The following INTS3 variants were observed in gnomAD, a reference collection of about 807,000 sequenced individuals.
INTS3 encodes the protein integrator complex subunit 3, also known as SOSS complex subunit A.
In INTS3, 34 loss-of-function variants were observed where a neutral mutation model predicts 146.3. The ratio of observed to expected loss-of-function variants is 0.23; its 90% CI spans 0.18 to 0.31. The LOEUF is 0.31. Ranked by LOEUF, INTS3 falls within the 10% of genes least tolerant of loss-of-function variation. The pLI is 1.00. For missense variants in INTS3, 757 were observed against 1,304.2 expected (o/e 0.58, Z 6.46); for synonymous variants, 475 against 494.9 (o/e 0.96, Z 0.53).
intron 15 of INTS3, 75 bp from the exon 16 acceptor site, chr1:153,763,157 GA>G (rs1672447361): frequency 3.2e-6 from 5 of 1,581,816 alleles, no homozygotes; most frequent in Non-Finnish European, 3.5e-6. Flanking sequence ...TGAGGAAGGG[GA>G]TAAGTCATTG....
In INTS3 at chr1:153,747,047, C is replaced by T; in HGVS notation, c.409C>T (p.Leu137=). 6.2e-7 allele frequency: 1 copy of T among 1,611,334 alleles called. No individual in the cohort carries two copies. The highest frequency in any genetic ancestry group is 8.5e-7 in the Non-Finnish European group (1 of 1,177,524). Residue 137 remains leucine (L), a synonymous_variant, in exon 4 of 30, where the codon CTG becomes TTG. Coordinates refer to ENST00000318967, the MANE Select transcript of INTS3 (RefSeq NM_023015.5). ...NQILMEKYLK[L]QDTCRTQLVW... The stretch of plus-strand genomic sequence containing the variant: ...GATACTTATGGAGAAGTACCTGAAG[C>T]TGCAGGATACCTGCCGTACTCAGGT...
At chr1:153,771,672 A>AG in intron 25 of INTS3, 124 bp from the exon 26 acceptor site, 1 of 872,286 alleles carries the variant, frequency 1.1e-6, no homozygotes, top group Non-Finnish European at 1.8e-6. Context: ...TAAGGAGAAG[A>AG]GGGAGAGGGA....
At chr1:153,748,863 TAGAG>T in intron 6 of INTS3, 108 bp downstream of exon 6, 1 of 885,138 alleles carries the variant, frequency 1.1e-6, no homozygotes, top group South Asian at 1.3e-5. Context: ...CACCTTAAGT[TAGAG>T]AGGGGGAGGC....
chr1:153,772,666 C>T lies in INTS3; in HGVS notation c.2849C>T (p.Ala950Val), dbSNP rs139029136. ...TTTAGCCAGACGCCAATTCTCCAGG[C>T]GCTGCAGCATGTCCAAGCGAGCTGT... ...NFFSQTPILQALQHVQASCDE... is the reference protein window; with the variant it reads ...NFFSQTPILQVLQHVQASCDE... Residue 950 changes from alanine (A) to valine (V), a missense_variant, in exon 28 of 30, where the codon GCG becomes GTG. By Grantham distance (64) the Ala-to-Val change is moderately conservative. Transcript: ENST00000318967. This position sits in a 1 kb window ranked among gnomAD's most constrained non-coding sequence, Gnocchi z 4.6. The T allele has an allele frequency of 1.6e-5, 26 of 1,614,070 alleles. No individual in the cohort carries two copies. The highest frequency in any genetic ancestry group is 3.3e-5 in the Admixed American group (2 of 60,010).
chr1:153,732,447 A>AT (rs201977770), intron 1 of INTS3, among the ~76,000 whole-genome samples: 1,945 of 139,022 alleles, frequency 0.014, 18 homozygotes, highest in Middle Eastern at 0.037. Context: ...GTCCTTGGGG[A>AT]TTTTTTTTTT....
intron 25 of INTS3, 147 bp downstream of exon 25, chr1:153,770,880 TAC>T: frequency 1.4e-6 from 1 of 695,406 alleles, no homozygotes; most frequent in East Asian, 2.7e-5. Flanking sequence ...CAACGTGACT[TAC>T]AAATGAGCAG....
intron 1 of INTS3, among the ~76,000 whole-genome samples, chr1:153,735,379 T>C (rs1009680508): frequency 3.3e-5 from 5 of 152,172 alleles, no homozygotes; most frequent in Non-Finnish European, 5.9e-5. Context: ...TTATCTCTGT[T>C]TTGAGGGGTT....
At position 153,751,157 on chromosome 1, in the gene INTS3, T is replaced by C; in HGVS notation, c.647T>C (p.Ile216Thr). 1 of 1,614,140 alleles carries C rather than the reference T, an allele frequency of 6.2e-7. No homozygotes were observed. Among genetic ancestry groups the C allele is most frequent in the Non-Finnish European group, 8.5e-7 (1 of 1,180,016 alleles). ...AMAVYTYLRL[I>T]VDHHGTAQLQ... ...GCTGTTTACACGTACCTCCGCCTCA[T>C]CGTGGACCACCATGGGACTGCCCAG... Residue 216 changes from isoleucine (I) to threonine (T), a missense_variant, in exon 7 of 30, where the codon ATC becomes ACC. Around this residue, in one of 8 missense-constraint regions of INTS3, gnomAD observed 134 missense variants for 243.1 expected, o/e 0.55. Transcript: ENST00000318967.
intron 1 of INTS3, among the ~76,000 whole-genome samples, chr1:153,729,089 C>T (rs552076729): frequency 6.6e-6 from 1 of 152,200 alleles, no homozygotes; most frequent in African/African-American, 2.4e-5. Context: ...CATACACACC[C>T]CAGCTATTTT....
At position 153,757,213 on chromosome 1, in the gene INTS3, G is replaced by C. The variant is rs893567595; in HGVS notation, c.958-359G>C. Among the ~76,000 whole-genome samples the C allele has an allele frequency of 6.6e-6, 1 of 152,198 alleles. No individual in the cohort carries two copies. The highest frequency in any genetic ancestry group is 6.5e-5 in the Admixed American group (1 of 15,278). ...GAAGAACATTTCTTGCTGTTCACCA[G>C]TGGCTCAAGAAAATGAGAAAAGGTT... is the stretch of plus-strand genomic sequence containing the variant. On this transcript the variant is annotated intron_variant, in intron 9 of 29. Transcript: ENST00000318967. This position sits in a 1 kb window ranked among gnomAD's most constrained non-coding sequence, Gnocchi z 4.0.
intron 8 of INTS3, among the ~76,000 whole-genome samples, chr1:153,753,077 T>G (rs151147531): frequency 1.1e-3 from 164 of 150,906 alleles, no homozygotes; most frequent in African/African-American, 3.7e-3. Context: ...ACACTCACTC[T>G]GAAGGCAGTT....
chr1:153,760,722 C>T, intron 12 of INTS3, 105 bp from the exon 13 acceptor site: 1 of 894,426 alleles, frequency 1.1e-6, no homozygotes, highest in Non-Finnish European at 1.9e-6. Flanking sequence ...AGCCATACTC[C>T]CCAGTGTCCC....
chr1:153,764,933 C>G lies in INTS3; in HGVS notation c.1971-11C>G, dbSNP rs1332492040. The G allele has an allele frequency of 1.9e-6, 3 of 1,614,056 alleles. No individual in the cohort carries two copies. Among genetic ancestry groups the G allele is most frequent in the Non-Finnish European group, 2.5e-6 (3 of 1,179,982 alleles). On this transcript the variant is annotated splice_polypyrimidine_tract_variant and intron_variant, in intron 19 of 29. Transcript: ENST00000318967. Reference sequence around the variant, plus strand: ...AAGTTCTGTTCCTCTCCTCCCATGCCCCACCTCCAGGAACCTATGTCAGAT... The same window carrying G: ...AAGTTCTGTTCCTCTCCTCCCATGCGCCACCTCCAGGAACCTATGTCAGAT...
At chr1:153,745,868 G>A (rs1671715073) in intron 3 of INTS3, among the ~76,000 whole-genome samples, 1 of 152,174 alleles carries the variant, frequency 6.6e-6, no homozygotes, top group Non-Finnish European at 1.5e-5. Context: ...CTACTGAGGA[G>A]GCCGAGGTGG....
intron 1 of INTS3, among the ~76,000 whole-genome samples, chr1:153,735,214 TCC>T (rs1671242795): frequency 6.6e-6 from 1 of 152,146 alleles, no homozygotes; most frequent in Non-Finnish European, 1.5e-5. Context: ...AAGTGATTCC[TCC>T]CCACCTTGGC....
In INTS3 at chr1:153,728,639, A is replaced by G; in HGVS notation, c.5A>G (p.Glu2Gly). M[E>G]LQKGKGAAAA... ...TCCCGGCTCCTGGCTGCAGCCATGG[A>G]GTTGCAGAAGGGAAAAGGGGCGGCA... Residue 2 changes from glutamate (E) to glycine (G), a missense_variant, in exon 1 of 30, where the codon GAG becomes GGG. Glu to Gly is a moderately conservative substitution (Grantham distance 98, BLOSUM62 -2). Coordinates refer to ENST00000318967, the MANE Select transcript of INTS3 (RefSeq NM_023015.5). 1 of 1,604,468 alleles carries G rather than the reference A, an allele frequency of 6.2e-7. No homozygotes were observed. The highest frequency in any genetic ancestry group is 8.5e-7 in the Non-Finnish European group (1 of 1,176,996).
intron 1 of INTS3, among the ~76,000 whole-genome samples, chr1:153,740,265 A>G (rs538231752): frequency 5.3e-5 from 8 of 151,282 alleles, no homozygotes; most frequent in Non-Finnish European, 8.8e-5. Context: ...GCGCCTGGCT[A>G]ATTTTTGCAT....
rs762618600 is a variant in INTS3, at chr1:153,728,689, G to C, written c.55G>C (p.Ala19Pro). The change falls in exon 1 of 30, where the codon GCG becomes CCG. Residue 19 changes from alanine to proline, a missense_variant. Physicochemically the swap from Ala to Pro is conservative, Grantham distance 27. Coordinates refer to ENST00000318967, the MANE Select transcript of INTS3 (RefSeq NM_023015.5). Reference protein sequence around the residue: ...AAAAAAASGAAGGGGGGAGAG... With the variant: ...AAAAAAASGAPGGGGGGAGAG... ...AGCAGCAGCAGCTGCTTCGGGAGCA[G>C]CGGGAGGTGGAGGAGGAGGAGCGGG... is the stretch of plus-strand genomic sequence containing the variant. The C allele has an allele frequency of 6.2e-7, 1 of 1,607,016 alleles. No homozygotes were observed. Among genetic ancestry groups the C allele is most frequent in the Non-Finnish European group, 8.5e-7 (1 of 1,177,532 alleles).
intron 5 of INTS3, chr1:153,747,598 G>A: frequency 1.8e-6 from 1 of 567,990 alleles, no homozygotes; most frequent in Admixed American, 3.0e-5. Context: ...CTAAACCCAG[G>A]GCTTGACAGA....
Sources: allele counts gnomAD v4.1 joint callset (sites outside exome capture counted in the v4.1 genomes callset), GRCh38; gene constraint gnomAD v4.1.1; regional missense constraint gnomAD v4.1.1; non-coding constraint Gnocchi (gnomAD v3.1); transcripts MANE v1.5; gene names NCBI Gene and HGNC (gene_info 2026-07-23, HGNC 2026-07-21).